The following DDC variants were observed in gnomAD, a reference collection of about 807,000 sequenced individuals.
DDC encodes the protein aromatic-L-amino-acid decarboxylase.
Under a neutral mutation model 60.0 loss-of-function variants are expected in DDC, and 43 were observed. That is an observed-to-expected ratio of 0.72 (90% CI 0.56 to 0.92). DDC has a LOEUF of 0.92. Ranked by LOEUF, DDC falls within the 40% of genes least tolerant of loss-of-function variation. The pLI is 0.00. For missense variants in DDC, 573 were observed against 620.2 expected (o/e 0.92, Z 0.81); for synonymous variants, 232 against 234.6 (o/e 0.99, Z 0.10).
chr7:50,502,801 C>G (rs966623450), intron 7 of DDC, among the ~76,000 whole-genome samples: 1 of 152,206 alleles, frequency 6.6e-6, no homozygotes, highest in Non-Finnish European at 1.5e-5. Flanking sequence ...ATTAATTTAT[C>G]CTCTGAATAA....
chr7:50,544,928 T>C (rs1379773633), intron 1 of DDC, among the ~76,000 whole-genome samples: 2 of 152,256 alleles, frequency 1.3e-5, no homozygotes, highest in Admixed American at 1.3e-4. Flanking sequence ...TCATTAACAT[T>C]GGACTCACAG....
At chr7:50,509,790 A>G (rs1407628373) in intron 6 of DDC, among the ~76,000 whole-genome samples, 2 of 152,216 alleles carry the variant, frequency 1.3e-5, no homozygotes, top group South Asian at 4.1e-4. Flanking sequence ...ACTCTTTATA[A>G]AGAAACTTTT....
intron 11 of DDC, among the ~76,000 whole-genome samples, chr7:50,474,387 G>A (rs1163694596): frequency 1.3e-5 from 2 of 152,204 alleles, no homozygotes; most frequent in Non-Finnish European, 2.9e-5. Context: ...GTCAGGGACT[G>A]GTGGTGGAGG....
At chr7:50,536,026 G>A (rs2044396432) in intron 4 of DDC, among the ~76,000 whole-genome samples, 1 of 152,192 alleles carries the variant, frequency 6.6e-6, no homozygotes, top group Admixed American at 6.5e-5. Context: ...GCTGGGAACT[G>A]CTTAGGCCAA....
rs1174777285 is a variant in DDC at position 50,468,795 on chromosome 7, CCAT to C, written c.1140+1275_1140+1277del. Among the ~76,000 whole-genome samples, 3 of 152,182 alleles carry C rather than the reference CCAT, an allele frequency of 2.0e-5. No homozygotes were observed. In the South Asian group the frequency reaches 6.2e-4, roughly 32 times the overall value. Reference sequence around the variant, plus strand: ...TCCCATGAAGCCTGGGGACCTCTGTCCATCAAGATGAGGCCACAGCTTAGGAAG... The same window carrying C: ...TCCCATGAAGCCTGGGGACCTCTGTCCAAGATGAGGCCACAGCTTAGGAAG... On this transcript the variant is annotated intron_variant, in intron 12 of 14. Transcript: ENST00000444124.
intron 4 of DDC, among the ~76,000 whole-genome samples, chr7:50,536,245 A>G (rs2044406293): frequency 6.6e-6 from 1 of 152,124 alleles, no homozygotes; most frequent in African/African-American, 2.4e-5. Context: ...TTATCTACCT[A>G]TGACCTGAAA....
chr7:50,550,599 G>T (rs1421357178), intron 1 of DDC, among the ~76,000 whole-genome samples: 1 of 152,218 alleles, frequency 6.6e-6, no homozygotes, highest in Non-Finnish European at 1.5e-5. Context: ...ATTTTAGGGA[G>T]ACAGGAGACA....
chr7:50,522,393 T>C (rs541590840), intron 6 of DDC, among the ~76,000 whole-genome samples: 1 of 152,306 alleles, frequency 6.6e-6, no homozygotes, highest in African/African-American at 2.4e-5. Context: ...TCCCAGAAAG[T>C]TATTTTGTGC....
chr7:50,499,263 G>T, intron 7 of DDC, 21 bp from the exon 8 acceptor site: 1 of 1,579,154 alleles, frequency 6.3e-7, no homozygotes, highest in Non-Finnish European at 8.7e-7. Flanking sequence ...GAATCAACTT[G>T]TGAGTCCCCA....
chr7:50,513,577 G>C (rs545262287), intron 6 of DDC, among the ~76,000 whole-genome samples: 20 of 152,306 alleles, frequency 1.3e-4, no homozygotes, highest in African/African-American at 4.3e-4. Flanking sequence ...GTAGCCTGGG[G>C]CAAGTTTTTA....
intron 10 of DDC, chr7:50,477,652 A>G: frequency 2.5e-6 from 1 of 404,722 alleles, no homozygotes; most frequent in Non-Finnish European, 5.0e-6. Context: ...CCACTAGCAT[A>G]AAAAATGGCA....
In DDC at chr7:50,514,024, A is replaced by G. The variant is rs113377335; in HGVS notation, c.715-9965T>C. Reference sequence around the variant, plus strand: ...CCTGCAGAAGGCCAACCAGCACAAAATCAGAGCATTAAACCACCAACGCTA... The same window carrying G: ...CCTGCAGAAGGCCAACCAGCACAAAGTCAGAGCATTAAACCACCAACGCTA... On this transcript the variant is annotated intron_variant, in intron 6 of 14. Coordinates refer to ENST00000444124, the MANE Select transcript of DDC (RefSeq NM_001082971.2). Among the ~76,000 whole-genome samples the G allele has an allele frequency of 1.9e-3, 294 of 152,212 alleles. 2 individuals are homozygous for G. Among genetic ancestry groups the G allele is most frequent in the African/African-American group, 6.7e-3 (279 of 41,534 alleles).
chr7:50,466,260 C>T (rs921371815), intron 13 of DDC, among the ~76,000 whole-genome samples: 39 of 152,186 alleles, frequency 2.6e-4, no homozygotes, highest in Middle Eastern at 3.4e-3. Flanking sequence ...GAGGCTGAGG[C>T]GGGTGGATCA....
At chr7:50,464,178 C>G (rs1163517026) in intron 13 of DDC, among the ~76,000 whole-genome samples, 1 of 152,080 alleles carries the variant, frequency 6.6e-6, no homozygotes, top group African/African-American at 2.4e-5. Flanking sequence ...TGGGACACTG[C>G]ATCCTAGTCA....
At chr7:50,485,838 A>G (rs2042869271) in intron 9 of DDC, among the ~76,000 whole-genome samples, 3 of 152,186 alleles carry the variant, frequency 2.0e-5, no homozygotes, top group African/African-American at 7.2e-5. Context: ...GTTACAAGGC[A>G]CCATTCGCAA....
intron 1 of DDC, among the ~76,000 whole-genome samples, chr7:50,558,919 C>T (rs1424164900): frequency 6.6e-6 from 1 of 152,212 alleles, no homozygotes; most frequent in Non-Finnish European, 1.5e-5. Flanking sequence ...GGTGGGAGTG[C>T]TGAGCCCGCA....
intron 4 of DDC, among the ~76,000 whole-genome samples, chr7:50,534,575 C>T (rs144362162): frequency 0.013 from 1,940 of 149,946 alleles, 39 homozygotes; most frequent in African/African-American, 0.046. Flanking sequence ...CCAGCCTGGG[C>T]GACAAGAATG....
intron 9 of DDC, chr7:50,492,684 A>T (rs866666526): frequency 2.2e-5 from 27 of 1,202,776 alleles, no homozygotes; most frequent in Middle Eastern, 3.2e-4. Context: ...CTACAAGGAA[A>T]TTTTCCAAAT....
intron 9 of DDC, 41 bp from the exon 10 acceptor site, chr7:50,479,904 C>T (rs886203920): frequency 1.3e-6 from 2 of 1,546,548 alleles, no homozygotes; most frequent in African/African-American, 2.7e-5. Flanking sequence ...TAACCAAGTA[C>T]CCTAGACTGG....
Sources: allele counts gnomAD v4.1 joint callset (sites outside exome capture counted in the v4.1 genomes callset), GRCh38; gene constraint gnomAD v4.1.1; transcripts MANE v1.5; gene names NCBI Gene and HGNC (gene_info 2026-07-23, HGNC 2026-07-21).